The following CTNNBL1 variants were observed in gnomAD, a reference collection of about 807,000 sequenced individuals.
CTNNBL1 encodes beta-catenin-like protein 1.
Under a neutral mutation model 72.7 loss-of-function variants are expected in CTNNBL1, and 31 were observed. That is an observed-to-expected ratio of 0.43 (90% confidence interval 0.32 to 0.58). The LOEUF (loss-of-function observed/expected upper bound fraction) is 0.58. Among genes scored for constraint, CTNNBL1 ranks in the 20% least tolerant of loss-of-function variants. The pLI is 0.08. For missense variants in CTNNBL1, 534 were observed against 725.1 expected (o/e 0.74, Z 3.03); for synonymous variants, 240 against 267.3 (o/e 0.90, Z 1.00).
chr20:37,784,566 A>T (rs2122702028), intron 10 of CTNNBL1, among the ~76,000 whole-genome samples: 1 of 152,322 alleles, frequency 6.6e-6, no homozygotes, highest in South Asian at 2.1e-4. Flanking sequence ...AACTGATGAC[A>T]GGCTTAACAC....
chr20:37,736,058 C>T (rs1218792294), intron 2 of CTNNBL1, among the ~76,000 whole-genome samples: 10 of 152,154 alleles, frequency 6.6e-5, no homozygotes, highest in Admixed American at 6.5e-4. Context: ...ATTTTATTTG[C>T]TTTCATAGGT....
intron 13 of CTNNBL1, 22 bp downstream of exon 13, chr20:37,842,441 T>A (rs2072312620): frequency 6.4e-7 from 1 of 1,569,232 alleles, no homozygotes; most frequent in African/African-American, 1.4e-5. Context: ...TGCCTCACTT[T>A]TGCCAGCTAT....
At chr20:37,794,314 C>G (rs946354965) in intron 10 of CTNNBL1, among the ~76,000 whole-genome samples, 9 of 151,788 alleles carry the variant, frequency 5.9e-5, no homozygotes, top group Admixed American at 1.3e-4. Context: ...TTGCCTTCAT[C>G]TTTTTCTTTT....
chr20:37,827,493 A>C (rs1249913925), intron 11 of CTNNBL1, among the ~76,000 whole-genome samples: 2 of 152,234 alleles, frequency 1.3e-5, no homozygotes, highest in Admixed American at 6.5e-5. Flanking sequence ...AGAACTGTTC[A>C]AAGTTACAGA....
chr20:37,830,435 C>T (rs375984418), intron 11 of CTNNBL1, among the ~76,000 whole-genome samples: 127 of 152,264 alleles, frequency 8.3e-4, no homozygotes, highest in African/African-American at 2.9e-3. Flanking sequence ...TGAACGGAGC[C>T]TTCCCCTGCC....
At chr20:37,871,322 T>C (rs1004441408) in intron 15 of CTNNBL1, among the ~76,000 whole-genome samples, 10 of 152,114 alleles carry the variant, frequency 6.6e-5, no homozygotes, top group Non-Finnish European at 1.3e-4. Flanking sequence ...TGTAACAAAA[T>C]CCCTGAGACT....
chr20:37,814,598 T>G (rs2072038469), intron 11 of CTNNBL1, among the ~76,000 whole-genome samples: 1 of 152,180 alleles, frequency 6.6e-6, no homozygotes, highest in Non-Finnish European at 1.5e-5. Context: ...AATATGTAGT[T>G]TCTACCTTGA....
At chr20:37,707,487 C>G (rs2072896817) in intron 1 of CTNNBL1, among the ~76,000 whole-genome samples, 1 of 152,230 alleles carries the variant, frequency 6.6e-6, no homozygotes, top group Admixed American at 6.5e-5. Flanking sequence ...CTGCTAGCTT[C>G]AAACTTTGTG....
intron 15 of CTNNBL1, among the ~76,000 whole-genome samples, chr20:37,867,884 G>A (rs1037879886): frequency 5.9e-5 from 9 of 152,162 alleles, no homozygotes; most frequent in African/African-American, 2.2e-4. Flanking sequence ...AGGGCAAAGG[G>A]TGAGGTTGAG....
In CTNNBL1 at chr20:37,817,282, A is replaced by G. The variant is rs181291937; in HGVS notation, c.1213+14234A>G. Among the ~76,000 whole-genome samples, 3 of 152,344 alleles carry G rather than the reference A, an allele frequency of 2.0e-5. No homozygotes were observed. The East Asian group carries it at 5.8e-4, about 29-fold the overall frequency. ...CCTTTAGCTGTTTTAGAAATAAACT[A>G]GAAAGATTTTTAATTCTGACATGCC... On this transcript the variant is annotated intron_variant, in intron 11 of 15. Coordinates refer to ENST00000361383, the MANE Select transcript of CTNNBL1 (RefSeq NM_030877.5).
chr20:37,834,878 G>A (rs2072240859), intron 11 of CTNNBL1, among the ~76,000 whole-genome samples: 1 of 151,884 alleles, frequency 6.6e-6, no homozygotes, highest in Admixed American at 6.5e-5. Context: ...CAGTAACAAT[G>A]ATGACAGTTA....
chr20:37,860,045 G>A lies in CTNNBL1; in HGVS notation c.1530+9G>A, dbSNP rs765624522. The stretch of plus-strand genomic sequence containing the variant: ...ATGCCAATGTCCCCCAGGTAGGAGG[G>A]TCTTCCCCTGGATGGGCTTATCCAT... On this transcript the variant is annotated intron_variant, in intron 14 of 15. Coordinates refer to ENST00000361383, the MANE Select transcript of CTNNBL1 (RefSeq NM_030877.5). 5 of 1,613,852 alleles carry A rather than the reference G, an allele frequency of 3.1e-6. No homozygotes were observed. Among genetic ancestry groups the A allele is most frequent in the Admixed American group, 1.7e-5 (1 of 59,994 alleles).
In CTNNBL1 at chr20:37,694,030, G is replaced by A; in HGVS notation, c.-93G>A. 1.4e-6 allele frequency: 2 copies of A among 1,411,504 alleles called. No homozygotes were observed. The highest frequency in any genetic ancestry group is 9.8e-7 in the Non-Finnish European group (1 of 1,021,764). The allele number at this position is 1,411,504 out of a possible 1,614,324, so 87.4% of individuals were successfully genotyped here. A position where few individuals can be genotyped will look rare whatever the true frequency, so the allele number is the denominator to read the frequency against. ...TATTGGCTCTGCGGCTCCGCTCGCC[G>A]CACTTTACGGCAGTGTGGCTGGAGC... On this transcript the variant is annotated 5_prime_UTR_variant, in exon 1 of 16. Coordinates refer to ENST00000361383, the MANE Select transcript of CTNNBL1 (RefSeq NM_030877.5).
intron 14 of CTNNBL1, 29 bp from the exon 15 acceptor site, chr20:37,860,243 C>T: frequency 6.3e-7 from 1 of 1,596,870 alleles, no homozygotes; most frequent in South Asian, 1.1e-5. Flanking sequence ...GGTTGTCTTT[C>T]TTTCTCTACC....
intron 3 of CTNNBL1, among the ~76,000 whole-genome samples, chr20:37,739,251 A>G (rs2073194605): frequency 6.6e-6 from 1 of 152,144 alleles, no homozygotes; most frequent in Admixed American, 6.5e-5. Flanking sequence ...CCTTGTGAAC[A>G]GTTAATTATG....
At chr20:37,836,513 G>A (rs2072255961) in intron 11 of CTNNBL1, among the ~76,000 whole-genome samples, 1 of 152,124 alleles carries the variant, frequency 6.6e-6, no homozygotes, top group Non-Finnish European at 1.5e-5. Context: ...TGTTTTTTAA[G>A]ATTTTCAGTT....
At chr20:37,849,499 C>T (rs534140174) in intron 13 of CTNNBL1, among the ~76,000 whole-genome samples, 4 of 152,316 alleles carry the variant, frequency 2.6e-5, no homozygotes, top group Non-Finnish European at 5.9e-5. Context: ...CCCATTGCTC[C>T]GAACTCTGCC....
chr20:37,840,195 A>G lies in CTNNBL1; in HGVS notation c.1307A>G (p.Glu436Gly). ...LLNKFTENDS[E>G]KVDRLMELHF... ...AATAAATTCACTGAAAATGACAGTG[A>G]GAAGGTGGGTGACTGTTGGACTGTA... Residue 436 changes from glutamate (E) to glycine (G), a missense_variant, in exon 12 of 16, where the codon GAG (glutamate) becomes GGG (glycine). Physicochemically the swap from Glu to Gly is moderately conservative, Grantham distance 98. Transcript: ENST00000361383. 1 of 1,610,092 alleles carries G rather than the reference A, an allele frequency of 6.2e-7. No homozygotes were observed. The highest frequency in any genetic ancestry group is 1.1e-5 in the South Asian group (1 of 90,842).
chr20:37,718,310 A>G (rs1448377557), intron 1 of CTNNBL1, among the ~76,000 whole-genome samples: 2 of 94,576 alleles, frequency 2.1e-5, no homozygotes, highest in African/African-American at 4.7e-5. Flanking sequence ...TCCCTCCCGG[A>G]CGGGGCGGCT....
Sources: gnomAD v4.1 joint callset for allele counts (sites outside exome capture counted in the v4.1 genomes callset) on GRCh38, gnomAD v4.1.1 for gene constraint, MANE v1.5 for transcripts, NCBI Gene and HGNC (gene_info 2026-07-23, HGNC 2026-07-21) for gene names.